Variants in NCOA2 observed in about 807,000 individuals in gnomAD.
NCOA2 encodes nuclear receptor coactivator 2, also known as class E basic helix-loop-helix protein 75.
Under a neutral mutation model 145.1 loss-of-function variants are expected in NCOA2, and 21 were observed. The ratio of observed to expected loss-of-function variants is 0.14; its 90% confidence interval spans 0.10 to 0.21. The LOEUF is 0.21. NCOA2 is among the 10% of genes least tolerant of loss of function. The pLI, the probability that NCOA2 is intolerant of heterozygous loss-of-function variation, is 1.00. For missense variants in NCOA2, 1,472 were observed against 1,837.6 expected (o/e 0.80, Z 3.64); for synonymous variants, 619 against 637.5 (o/e 0.97, Z 0.44).
chr8:70,292,549 G>GA (rs199760603), intron 2 of NCOA2, among the ~76,000 whole-genome samples: 10,608 of 101,226 alleles, frequency 0.1, 566 homozygotes, highest in African/African-American at 0.18. Context: ...TCCATCTCAG[G>GA]AAAAAAAAAA....
intron 1 of NCOA2, among the ~76,000 whole-genome samples, chr8:70,344,145 AT>A (rs1808392113): frequency 6.6e-6 from 1 of 152,222 alleles, no homozygotes; most frequent in Admixed American, 6.5e-5. Context: ...GAGCACAAAC[AT>A]TTCAGTGAGA....
chr8:70,213,884 A>G lies in NCOA2; in HGVS notation c.259+19T>C, dbSNP rs1325450364. On this transcript the variant is annotated intron_variant, in intron 4 of 22. Coordinates refer to ENST00000452400, the MANE Select transcript of NCOA2 (RefSeq NM_006540.4). ...AGAAACCAATTCAACTCTTCAAAAT[A>G]CTAATTCAGTCCTCTTACCTTGTTC... 1 of 1,553,604 alleles carries G rather than the reference A, an allele frequency of 6.4e-7. No homozygotes were observed. The highest frequency in any genetic ancestry group is 8.7e-7 in the Non-Finnish European group (1 of 1,150,190).
intron 2 of NCOA2, among the ~76,000 whole-genome samples, chr8:70,226,739 T>C (rs1586173100): frequency 1.3e-5 from 2 of 151,512 alleles, no homozygotes; most frequent in Middle Eastern, 3.4e-3. Flanking sequence ...CTGTATAATA[T>C]AGACAGATAC....
At chr8:70,180,018 CA>C (rs1396314178) in intron 4 of NCOA2, among the ~76,000 whole-genome samples, 1 of 152,140 alleles carries the variant, frequency 6.6e-6, no homozygotes, top group South Asian at 2.1e-4. Context: ...TGGGCTCAAG[CA>C]ATCTTCTCGC....
chr8:70,351,996 C>T (rs1215846704), intron 1 of NCOA2, among the ~76,000 whole-genome samples: 2 of 151,754 alleles, frequency 1.3e-5, no homozygotes, highest in Non-Finnish European at 2.9e-5. Flanking sequence ...AAAAAGGAAG[C>T]AATCTTTTAC....
At chr8:70,262,431 G>A (rs1465925575) in intron 2 of NCOA2, among the ~76,000 whole-genome samples, 1 of 152,188 alleles carries the variant, frequency 6.6e-6, no homozygotes, top group African/African-American at 2.4e-5. Context: ...ACACCTTAAA[G>A]TACCTTTACA....
At chr8:70,343,503 A>G (rs1808328079) in intron 1 of NCOA2, among the ~76,000 whole-genome samples, 1 of 151,810 alleles carries the variant, frequency 6.6e-6, no homozygotes, top group African/African-American at 2.4e-5. Context: ...TTTCATTCTA[A>G]TTCAGAGTTA....
At chr8:70,245,541 C>G (rs747467287) in intron 2 of NCOA2, among the ~76,000 whole-genome samples, 5 of 152,038 alleles carry the variant, frequency 3.3e-5, no homozygotes, top group African/African-American at 1.2e-4. Flanking sequence ...CTCTCCTTCT[C>G]TCTCACACAC....
At chr8:70,398,462 AAATAATAAT>A in intron 1 of NCOA2, among the ~76,000 whole-genome samples, 1 of 152,184 alleles carries the variant, frequency 6.6e-6, no homozygotes, top group Non-Finnish European at 1.5e-5. Flanking sequence ...CCATATCTCA[AAATAATAAT>A]AATAATAACA....
chr8:70,172,472 C>T (rs1170881907), intron 5 of NCOA2, among the ~76,000 whole-genome samples: 1 of 152,148 alleles, frequency 6.6e-6, no homozygotes, highest in African/African-American at 2.4e-5. Context: ...TAGAACTGAC[C>T]ATAAGGCACC....
chr8:70,432,850 G>A, the NCOA2 span, among the ~76,000 whole-genome samples: 3 of 151,908 alleles, frequency 2.0e-5, no homozygotes, highest in Admixed American at 2.0e-4. Flanking sequence ...AAAAATCTAT[G>A]TTTTGGTTAA....
intron 4 of NCOA2, among the ~76,000 whole-genome samples, chr8:70,186,152 G>C (rs1816049466): frequency 6.6e-6 from 1 of 152,092 alleles, no homozygotes; most frequent in Admixed American, 6.5e-5. Context: ...AGGATGTCAA[G>C]AAAGGATGGT....
At chr8:70,131,699 G>C in intron 16 of NCOA2, 138 bp downstream of exon 16, 1 of 912,630 alleles carries the variant, frequency 1.1e-6, no homozygotes, top group Non-Finnish European at 1.6e-6. Flanking sequence ...GAAGAAACAG[G>C]GCCAGCCTGT....
chr8:70,125,510 C>T (rs1275600731), intron 19 of NCOA2, among the ~76,000 whole-genome samples: 1 of 152,118 alleles, frequency 6.6e-6, no homozygotes, highest in Non-Finnish European at 1.5e-5. Context: ...AGATTCTTGG[C>T]CTCCCAAAGT....
At chr8:70,159,675 A>G in intron 9 of NCOA2, 23 bp from the exon 10 acceptor site, 1 of 1,595,838 alleles carries the variant, frequency 6.3e-7, no homozygotes. Context: ...AAGGAAACAG[A>G]AGGCACGTTT....
At chr8:70,247,352 A>G (rs1265252460) in intron 2 of NCOA2, among the ~76,000 whole-genome samples, 1 of 151,918 alleles carries the variant, frequency 6.6e-6, no homozygotes, top group Non-Finnish European at 1.5e-5. Context: ...TGAAAACACA[A>G]AAAAGCACAA....
At chr8:70,338,936 G>C (rs1476525124) in intron 1 of NCOA2, among the ~76,000 whole-genome samples, 1 of 152,034 alleles carries the variant, frequency 6.6e-6, no homozygotes, top group Non-Finnish European at 1.5e-5. Context: ...ACTAGGTATT[G>C]AAGGAACATA....
intron 2 of NCOA2, among the ~76,000 whole-genome samples, chr8:70,282,869 C>G (rs1242532937): frequency 6.6e-6 from 1 of 152,122 alleles, no homozygotes; most frequent in Non-Finnish European, 1.5e-5. Flanking sequence ...CAATGACGCT[C>G]CAGAGTGATC....
chr8:70,310,945 A>C (rs1417802279), intron 1 of NCOA2, among the ~76,000 whole-genome samples: 2 of 152,228 alleles, frequency 1.3e-5, no homozygotes, highest in East Asian at 3.8e-4. Flanking sequence ...GGTATTTTTA[A>C]ATAAAAGAAA....
Sources: gnomAD v4.1 joint callset for allele counts (sites outside exome capture counted in the v4.1 genomes callset) on GRCh38, gnomAD v4.1.1 for gene constraint, MANE v1.5 for transcripts, NCBI Gene and HGNC (gene_info 2026-07-23, HGNC 2026-07-21) for gene names.